PDE10A: variants seen among roughly 807,000 people sequenced by gnomAD.
The protein encoded by PDE10A is cAMP and cAMP-inhibited cGMP 3',5'-cyclic phosphodiesterase 10A.
Under a neutral mutation model 97.7 loss-of-function variants are expected in PDE10A, and 39 were observed. That is an observed-to-expected ratio of 0.40 (90% CI 0.31 to 0.52). The LOEUF is 0.52. PDE10A is among the 20% of genes least tolerant of loss of function. The pLI is 0.56. For synonymous variants in PDE10A, 371 were observed against 376.8 expected (o/e 0.98, Z 0.18); for missense variants, 731 against 1,047.8 (o/e 0.70, Z 4.17).
intron 1 of PDE10A, among the ~76,000 whole-genome samples, chr6:165,558,951 T>TA (rs56697888): frequency 0.15 from 22,811 of 151,214 alleles, 2,622 homozygotes; most frequent in East Asian, 0.33. Flanking sequence ...TAAAGTATAA[T>TA]AAAAAAATAT....
chr6:165,328,313 G>T lies in PDE10A; in HGVS notation c.*4712C>A, dbSNP rs1192576984. 1.3e-5 allele frequency: 2 copies of T among 152,330 alleles called. No individual in the cohort carries two copies. The highest frequency in any genetic ancestry group is 3.9e-4 in the East Asian group (2 of 5,186). 9.4% of individuals were successfully genotyped at this position (152,330 alleles called of 1,614,324 possible). A position where few individuals can be genotyped will look rare whatever the true frequency, so the allele number is the denominator to read the frequency against. Reference sequence around the variant, plus strand: ...GTAACGCCCAAGATATAATATTTCAGTTGGGCTAGAGTATCAGATTATACA... The same window carrying T: ...GTAACGCCCAAGATATAATATTTCATTTGGGCTAGAGTATCAGATTATACA... On this transcript the variant is annotated 3_prime_UTR_variant, in exon 22 of 22. Coordinates refer to ENST00000539869, the MANE Select transcript of PDE10A (RefSeq NM_001385079.1).
intron 1 of PDE10A, among the ~76,000 whole-genome samples, chr6:165,799,598 T>G (rs1375789379): frequency 6.6e-6 from 1 of 152,210 alleles, no homozygotes; most frequent in Non-Finnish European, 1.5e-5. Context: ...AGCCATTTAA[T>G]GAATATGCAT....
chr6:165,695,661 AG>A (rs748485436), intron 1 of PDE10A, among the ~76,000 whole-genome samples: 3 of 152,212 alleles, frequency 2.0e-5, no homozygotes, highest in Non-Finnish European at 4.4e-5. Flanking sequence ...TGTGCAACAC[AG>A]TCTGGAGGAG....
intron 1 of PDE10A, among the ~76,000 whole-genome samples, chr6:165,729,869 G>C (rs1020971367): frequency 1.2e-3 from 176 of 152,288 alleles, no homozygotes; most frequent in African/African-American, 4.1e-3. Context: ...AGCTGGAAGA[G>C]AATGGAGCAA....
intron 7 of PDE10A, 110 bp from the exon 8 acceptor site, chr6:165,431,582 T>C (rs960812046): frequency 1.9e-5 from 4 of 207,474 alleles, no homozygotes; most frequent in Non-Finnish European, 3.5e-5. Context: ...ATATATATAC[T>C]ATATATAGTA....
At chr6:165,980,279 C>T (rs1056443433) in intron 1 of PDE10A, among the ~76,000 whole-genome samples, 2 of 152,152 alleles carry the variant, frequency 1.3e-5, no homozygotes, top group Non-Finnish European at 2.9e-5. Context: ...GGACAAATGG[C>T]CTTCGGTAGA....
At chr6:165,347,948 C>T (rs2128184290) in intron 18 of PDE10A, among the ~76,000 whole-genome samples, 1 of 152,248 alleles carries the variant, frequency 6.6e-6, no homozygotes, top group African/African-American at 2.4e-5. Context: ...AGTTCTATTT[C>T]TGAATTATTT....
chr6:165,643,689 G>C (rs533191018), intron 1 of PDE10A, among the ~76,000 whole-genome samples: 47 of 152,278 alleles, frequency 3.1e-4, no homozygotes, highest in African/African-American at 1.1e-3. Flanking sequence ...CAGAGGCTGG[G>C]ACAGGCAGGG....
chr6:165,569,773 A>G (rs1172555174), intron 1 of PDE10A, among the ~76,000 whole-genome samples: 1 of 152,226 alleles, frequency 6.6e-6, no homozygotes, highest in Non-Finnish European at 1.5e-5. Context: ...TGTAGGCACT[A>G]TCAATAAATG....
chr6:165,937,156 G>C (rs1783360214), intron 1 of PDE10A, among the ~76,000 whole-genome samples: 1 of 152,206 alleles, frequency 6.6e-6, no homozygotes, highest in South Asian at 2.1e-4. Flanking sequence ...GAGGGCTGGA[G>C]GAAAGCCAAA....
intron 2 of PDE10A, among the ~76,000 whole-genome samples, chr6:165,527,700 G>A (rs1311566602): frequency 6.6e-6 from 1 of 152,196 alleles, no homozygotes; most frequent in Non-Finnish European, 1.5e-5. Context: ...TCAAATGGAA[G>A]TGGTATATAC....
intron 1 of PDE10A, among the ~76,000 whole-genome samples, chr6:165,823,959 T>C (rs1779654123): frequency 6.6e-6 from 1 of 152,224 alleles, no homozygotes; most frequent in African/African-American, 2.4e-5. Context: ...ATACTTTTTA[T>C]TGCTACATAA....
At chr6:165,948,892 C>G (rs1370463824) in intron 1 of PDE10A, 1 of 152,324 alleles carries the variant, frequency 6.6e-6, no homozygotes, top group South Asian at 2.1e-4. Flanking sequence ...TGTGCCACCA[C>G]GTGAGGTCAG....
chr6:165,960,232 T>C (rs187261746), intron 1 of PDE10A, among the ~76,000 whole-genome samples: 2 of 152,264 alleles, frequency 1.3e-5, no homozygotes, highest in Admixed American at 1.3e-4. Flanking sequence ...CAAAAAATAG[T>C]GAAGGCTGAG....
chr6:165,516,048 T>C (rs892272552), intron 2 of PDE10A, among the ~76,000 whole-genome samples: 1 of 152,224 alleles, frequency 6.6e-6, no homozygotes, highest in Non-Finnish European at 1.5e-5. Flanking sequence ...TTTCCTTGGC[T>C]TTAAGAATTT....
intron 1 of PDE10A, among the ~76,000 whole-genome samples, chr6:165,918,525 T>G (rs1782668412): frequency 6.6e-6 from 1 of 152,244 alleles, no homozygotes; most frequent in Non-Finnish European, 1.5e-5. Context: ...ATCGTTCAAC[T>G]GAGATTTACA....
chr6:165,935,014 C>A (rs1783277231), intron 1 of PDE10A, among the ~76,000 whole-genome samples: 1 of 152,168 alleles, frequency 6.6e-6, no homozygotes, highest in Non-Finnish European at 1.5e-5. Context: ...GCACTGCTTC[C>A]ATGAAGTTAC....
chr6:165,710,123 A>G (rs369506387), intron 1 of PDE10A, among the ~76,000 whole-genome samples: 89 of 151,990 alleles, frequency 5.9e-4, no homozygotes, highest in Middle Eastern at 3.4e-3. Context: ...GCAGGCTCCT[A>G]TTTCTAACAG....
intron 18 of PDE10A, among the ~76,000 whole-genome samples, chr6:165,376,176 T>C (rs560997625): frequency 6.6e-6 from 1 of 152,204 alleles, no homozygotes; most frequent in African/African-American, 2.4e-5. Flanking sequence ...TGAAAACCTT[T>C]TGGAAAAGAT....
Sources: allele counts gnomAD v4.1 joint callset (sites outside exome capture counted in the v4.1 genomes callset), GRCh38; gene constraint gnomAD v4.1.1; transcripts MANE v1.5; gene names NCBI Gene and HGNC (gene_info 2026-07-23, HGNC 2026-07-21).